The following DPH5 variants were observed in gnomAD, a reference collection of about 807,000 sequenced individuals.
DPH5 encodes diphthamide biosynthesis 5.
DPH5 carries 31 observed loss-of-function variants against 31.6 expected under a neutral mutation model. The ratio of observed to expected loss-of-function variants is 0.98; its 90% CI spans 0.74 to 1.32. The LOEUF (loss-of-function observed/expected upper bound fraction) is 1.32. DPH5 is among the 40% of genes most tolerant of loss of function. DPH5 has a pLI of 0.00. For missense variants in DPH5, 309 were observed against 335.7 expected (o/e 0.92, Z 0.62); for synonymous variants, 120 against 115.0 (o/e 1.04, Z -0.28).
chr1:100,992,603 AATAAT>A, intron 7 of DPH5, 29 bp downstream of exon 7: 4 of 1,473,016 alleles, frequency 2.7e-6, no homozygotes, highest in Non-Finnish European at 3.8e-6. Context: ...GTAACAGAGG[AATAAT>A]ATGAGAGCCC....
At chr1:101,004,647 A>G (rs1350339242) in intron 4 of DPH5, among the ~76,000 whole-genome samples, 1 of 152,238 alleles carries the variant, frequency 6.6e-6, no homozygotes, top group Non-Finnish European at 1.5e-5. Flanking sequence ...AAGATGCTCA[A>G]GAAAGACAAT....
chr1:101,014,554 G>C (rs11584222), intron 3 of DPH5, among the ~76,000 whole-genome samples: 42,168 of 152,040 alleles, frequency 0.28, 6,112 homozygotes, highest in African/African-American at 0.35. Flanking sequence ...GATGGTCTTG[G>C]CTCCATGTTG....
At position 101,013,703 on chromosome 1, in the gene DPH5, G is replaced by C. The variant is rs375316542; in HGVS notation, c.369+7C>G. ...ATTCCACTGAAAAACCTCCTTTGTT[G>C]CATTACCTGTAAACCACAGCAGCCT... is the stretch of plus-strand genomic sequence containing the variant. On this transcript the variant is annotated splice_region_variant and intron_variant, in intron 4 of 7. Transcript: ENST00000370109. The C allele has an allele frequency of 2.5e-5, 38 of 1,547,742 alleles. No homozygotes were observed. The highest frequency in any genetic ancestry group is 3.3e-5 in the Non-Finnish European group (38 of 1,139,624).
chr1:101,021,703 A>G lies in DPH5; in HGVS notation c.198T>C (p.Asp66=). Residue 66 remains aspartate (D), a synonymous_variant, in exon 3 of 8, where the codon GAT becomes GAC. Transcript: ENST00000370109. ...ADREEVEQEA[D]NILKDADISD... ...TGATATCAGCATCCTTTAAAATATT[A>G]TCTGCTTCTTGTTCCACTTCTTCTC... is the stretch of plus-strand genomic sequence containing the variant. 6.2e-7 allele frequency: 1 copy of G among 1,613,972 alleles called. No individual in the cohort carries two copies. The highest frequency in any genetic ancestry group is 8.5e-7 in the Non-Finnish European group (1 of 1,179,916).
intron 4 of DPH5, among the ~76,000 whole-genome samples, chr1:101,009,661 C>G (rs1202395751): frequency 1.3e-5 from 2 of 152,198 alleles, no homozygotes; most frequent in African/African-American, 4.8e-5. Context: ...GTAATTCAAT[C>G]TCCACATATT....
In DPH5 at chr1:100,992,632, A is replaced by G; in HGVS notation, c.634+5T>C. On this transcript the variant is annotated splice_donor_5th_base_variant and intron_variant, in intron 7 of 7. Coordinates refer to ENST00000370109, the MANE Select transcript of DPH5 (RefSeq NM_015958.3). ...ATATGAGAGCCCTTCTAGTGTCTTGAGTACCTGGTTCTTCTCCTCGTATTC... is the reference window on the plus strand; with the variant it reads ...ATATGAGAGCCCTTCTAGTGTCTTGGGTACCTGGTTCTTCTCCTCGTATTC... 1.2e-6 allele frequency: 2 copies of G among 1,611,428 alleles called. No homozygotes were observed. Among genetic ancestry groups the G allele is most frequent in the Non-Finnish European group, 1.7e-6 (2 of 1,177,660 alleles).
At chr1:100,992,899 T>C (rs1198794725) in intron 6 of DPH5, among the ~76,000 whole-genome samples, 159 bp from the exon 7 acceptor site, 1 of 152,230 alleles carries the variant, frequency 6.6e-6, no homozygotes, top group African/African-American at 2.4e-5. Context: ...AAAAGCATGA[T>C]GATTGTTCAT....
At chr1:101,000,034 C>G (rs761721342) in intron 5 of DPH5, among the ~76,000 whole-genome samples, 1 of 151,560 alleles carries the variant, frequency 6.6e-6, no homozygotes, top group Non-Finnish European at 1.5e-5. Flanking sequence ...GTAGTCCTAA[C>G]TACCCAGGGA....
chr1:101,003,406 G>T (rs1318017832), intron 4 of DPH5, among the ~76,000 whole-genome samples: 3 of 152,140 alleles, frequency 2.0e-5, no homozygotes, highest in African/African-American at 7.2e-5. Flanking sequence ...AAAATGACAG[G>T]CAAAACACAG....
chr1:100,994,446 A>G (rs1262249369), intron 6 of DPH5, among the ~76,000 whole-genome samples: 2 of 152,136 alleles, frequency 1.3e-5, no homozygotes, highest in Non-Finnish European at 2.9e-5. Context: ...GATTAGTACT[A>G]TCATTATACA....
rs146852841 is a variant in DPH5, at chr1:101,008,431, AG to A, written c.369+5278del. On this transcript the variant is annotated intron_variant, in intron 4 of 7. Coordinates refer to ENST00000370109, the MANE Select transcript of DPH5 (RefSeq NM_015958.3). ...CATACCCTTACAGTAAAGTAATCTG[AG>A]ATCCAGAGAAGATGACGCCTTAGTT... is the stretch of plus-strand genomic sequence containing the variant. Among the ~76,000 whole-genome samples the A allele has an allele frequency of 1.5e-4, 23 of 152,370 alleles. No homozygotes were observed. In the East Asian group the frequency reaches 4.4e-3, roughly 29 times the overall value.
At chr1:101,013,537 T>C (rs1287423875) in intron 4 of DPH5, 173 bp downstream of exon 4, 4 of 427,188 alleles carry the variant, frequency 9.4e-6, no homozygotes, top group Non-Finnish European at 1.6e-5. Context: ...GGGGAAAACC[T>C]AGCATAAAAA....
chr1:100,991,336 T>G (rs1422837715), intron 7 of DPH5, among the ~76,000 whole-genome samples: 1 of 152,198 alleles, frequency 6.6e-6, no homozygotes, highest in Non-Finnish European at 1.5e-5. Context: ...GGGTCTTGAT[T>G]GAACAATGAT....
chr1:101,016,484 AC>A (rs1309316486), intron 3 of DPH5, among the ~76,000 whole-genome samples: 1 of 140,244 alleles, frequency 7.1e-6, no homozygotes, highest in Non-Finnish European at 1.5e-5. Flanking sequence ...TCACTATATC[AC>A]CCAGGCTGGA....
chr1:101,003,419 C>T (rs1570670827), intron 4 of DPH5, among the ~76,000 whole-genome samples: 1 of 152,334 alleles, frequency 6.6e-6, no homozygotes, highest in Non-Finnish European at 1.5e-5. Flanking sequence ...AAACACAGCT[C>T]TGGCTCTCAT....
At chr1:101,012,741 C>G (rs1659793009) in intron 4 of DPH5, among the ~76,000 whole-genome samples, 1 of 152,104 alleles carries the variant, frequency 6.6e-6, no homozygotes, top group Non-Finnish European at 1.5e-5. Context: ...TGAATACTGT[C>G]AGGTCAGGTC....
At chr1:101,016,887 G>A (rs114347917) in intron 3 of DPH5, among the ~76,000 whole-genome samples, 2,914 of 152,278 alleles carry the variant, frequency 0.019, 89 homozygotes, top group African/African-American at 0.064. Flanking sequence ...TCTGGTAAAA[G>A]GGAGGCCCAA....
Position 100,990,265 on chromosome 1 carries a change from G to GC in DPH5, c.*142dup. Reference sequence around the variant, plus strand: ...TCATGAGAATAGCATGAGGGAAACTGCCCCCATGATTCAATTACCTACCAC... The same window carrying GC: ...TCATGAGAATAGCATGAGGGAAACTGCCCCCCATGATTCAATTACCTACCAC... On this transcript the variant is annotated 3_prime_UTR_variant, in exon 8 of 8. Coordinates refer to ENST00000370109, the MANE Select transcript of DPH5 (RefSeq NM_015958.3). 1.1e-5 allele frequency: 8 copies of GC among 706,842 alleles called. No individual in the cohort carries two copies. The South Asian group carries it at 1.2e-4, about 11-fold the overall frequency. 43.8% of individuals were successfully genotyped at this position (706,842 alleles called of 1,614,324 possible).
intron 2 of DPH5, among the ~76,000 whole-genome samples, chr1:101,024,039 A>T (rs1236402774): frequency 1.3e-5 from 2 of 152,136 alleles, no homozygotes; most frequent in African/African-American, 4.8e-5. Flanking sequence ...GCACATTTCC[A>T]TCATTTCGAG....
Sources: allele counts gnomAD v4.1 joint callset (sites outside exome capture counted in the v4.1 genomes callset), GRCh38; gene constraint gnomAD v4.1.1; transcripts MANE v1.5; gene names NCBI Gene and HGNC (gene_info 2026-07-23, HGNC 2026-07-21).